EDN2: variants seen among roughly 807,000 people sequenced by gnomAD.
EDN2 encodes endothelin 2, also known as endothelin-2.
In EDN2, 10 loss-of-function variants were observed where a neutral mutation model predicts 19.9. That is an observed-to-expected ratio of 0.50 (90% CI 0.31 to 0.85). The LOEUF is 0.85. EDN2 is among the 40% of genes least tolerant of loss of function. EDN2 has a pLI of 0.05. For synonymous variants in EDN2, 84 were observed against 94.9 expected (o/e 0.89, Z 0.67); for missense variants, 222 against 239.3 (o/e 0.93, Z 0.48).
At chr1:41,483,258 T>C (rs1644263664) in intron 2 of EDN2, among the ~76,000 whole-genome samples, 1 of 152,140 alleles carries the variant, frequency 6.6e-6, no homozygotes. Flanking sequence ...TTTTAGATGG[T>C]GTGGTTGGAG....
intron 3 of EDN2, among the ~76,000 whole-genome samples, chr1:41,481,659 C>T (rs1357235702): frequency 6.6e-6 from 1 of 151,958 alleles, no homozygotes; most frequent in East Asian, 1.9e-4. Context: ...CCTGCCTCAG[C>T]CTTCGGAGTA....
rs549127503 is a variant in EDN2, at chr1:41,479,568, G to A, written c.444-66C>T. On this transcript the variant is annotated intron_variant, in intron 4 of 4. Coordinates refer to ENST00000372587, the MANE Select transcript of EDN2 (RefSeq NM_001956.5). ...TGGACTGTCCAAGAGCTCCCCATGA[G>A]AGCAGGGGCAATGGGGCTACAGCCC... 1.5e-4 allele frequency: 219 copies of A among 1,416,534 alleles called. 1 individual carries two copies. The highest frequency in any genetic ancestry group is 1.9e-4 in the Non-Finnish European group (193 of 1,005,584). 87.7% of individuals were successfully genotyped at this position (1,416,534 alleles called of 1,614,324 possible). A position where few individuals can be genotyped will look rare whatever the true frequency, so the allele number is the denominator to read the frequency against.
Position 41,484,222 on chromosome 1 carries a change from G to A in EDN2, c.65-19C>T. On this transcript the variant is annotated intron_variant, in intron 1 of 4. Transcript: ENST00000372587. ...CCCTTCCCTGCATGCACAGGAGGGAGAGAGAGGTGGAGAGGTGGGTTGGGG... is the reference window on the plus strand; with the variant it reads ...CCCTTCCCTGCATGCACAGGAGGGAAAGAGAGGTGGAGAGGTGGGTTGGGG... The A allele has an allele frequency of 1.2e-6, 2 of 1,607,350 alleles. No individual in the cohort carries two copies. The highest frequency in any genetic ancestry group is 1.7e-6 in the Non-Finnish European group (2 of 1,176,794).
At position 41,484,661 on chromosome 1, in the gene EDN2, C is replaced by T; in HGVS notation, c.-60G>A. 1 of 1,541,340 alleles carries T rather than the reference C, an allele frequency of 6.5e-7. No homozygotes were observed. Among genetic ancestry groups the T allele is most frequent in the East Asian group, 2.4e-5 (1 of 40,864 alleles). ...GGGAGTGCCTGTTGCCAGCGTCCTG[C>T]TATTAAGCTGAGCAGATAGCTCATT... On this transcript the variant is annotated 5_prime_UTR_variant, in exon 1 of 5. Coordinates refer to ENST00000372587, the MANE Select transcript of EDN2 (RefSeq NM_001956.5).
intron 4 of EDN2, 31 bp downstream of exon 4, chr1:41,481,064 C>T (rs372169586): frequency 2.6e-6 from 4 of 1,553,722 alleles, no homozygotes; most frequent in Non-Finnish European, 3.6e-6. Context: ...ACAGGAGGTG[C>T]TCAGTCTGTG....
At chr1:41,480,387 G>T (rs971710085) in intron 4 of EDN2, among the ~76,000 whole-genome samples, 2 of 152,166 alleles carry the variant, frequency 1.3e-5, no homozygotes, top group African/African-American at 2.4e-5. Flanking sequence ...GCTCCCACGG[G>T]CACAGACCCT....
chr1:41,483,122 G>GGGGT (rs1030640118), intron 2 of EDN2: 7 of 109,674 alleles, frequency 6.4e-5, no homozygotes, highest in African/African-American at 1.9e-4. Flanking sequence ...ACTTGAAAGT[G>GGGGT]GGGTGTGTGT....
chr1:41,479,224 A>C lies in EDN2; in HGVS notation c.*185T>G, dbSNP rs1252907974. 1 of 693,178 alleles carries C rather than the reference A, an allele frequency of 1.4e-6. No homozygotes were observed. The highest frequency in any genetic ancestry group is 1.8e-5 in the African/African-American group (1 of 57,136). 42.9% of individuals were successfully genotyped at this position (693,178 alleles called of 1,614,324 possible). ...GAGGGCTTCCCTGGGCAGTGCGAGGACACAGAACTGCCTTGGACGAGGCTC... is the reference window on the plus strand; with the variant it reads ...GAGGGCTTCCCTGGGCAGTGCGAGGCCACAGAACTGCCTTGGACGAGGCTC... On this transcript the variant is annotated 3_prime_UTR_variant, in exon 5 of 5. Coordinates refer to ENST00000372587, the MANE Select transcript of EDN2 (RefSeq NM_001956.5).
chr1:41,484,663 A>G lies in EDN2; in HGVS notation c.-62T>C. 1 of 1,538,284 alleles carries G rather than the reference A, an allele frequency of 6.5e-7. No individual in the cohort carries two copies. Among genetic ancestry groups the G allele is most frequent in the Non-Finnish European group, 8.8e-7 (1 of 1,136,524 alleles). On this transcript the variant is annotated 5_prime_UTR_variant, in exon 1 of 5. Coordinates refer to ENST00000372587, the MANE Select transcript of EDN2 (RefSeq NM_001956.5). ...GAGTGCCTGTTGCCAGCGTCCTGCTATTAAGCTGAGCAGATAGCTCATTGC... is the reference window on the plus strand; with the variant it reads ...GAGTGCCTGTTGCCAGCGTCCTGCTGTTAAGCTGAGCAGATAGCTCATTGC...
intron 3 of EDN2, among the ~76,000 whole-genome samples, chr1:41,481,629 T>G (rs959460937): frequency 6.6e-6 from 1 of 151,356 alleles, no homozygotes; most frequent in Non-Finnish European, 1.5e-5. Context: ...AGCATCTGCC[T>G]CCCAGGTTCA....
chr1:41,482,788 C>T (rs1280757487), intron 2 of EDN2, 200 bp from the exon 3 acceptor site: 10 of 587,666 alleles, frequency 1.7e-5, no homozygotes, highest in Non-Finnish European at 2.6e-5. Flanking sequence ...AGTCACACCA[C>T]TGAAGTCACA....
At chr1:41,483,903 A>G (rs1304955029) in intron 2 of EDN2, 144 bp downstream of exon 2, 1 of 864,346 alleles carries the variant, frequency 1.2e-6, no homozygotes, top group African/African-American at 1.7e-5. Flanking sequence ...AATTGAAACA[A>G]TTAACTATTG....
chr1:41,480,988 C>T, intron 4 of EDN2, 107 bp downstream of exon 4: 1 of 936,356 alleles, frequency 1.1e-6, no homozygotes, highest in Non-Finnish European at 1.7e-6. Flanking sequence ...AGCCTCAGTT[C>T]TCTTTGCTGC....
In EDN2 at chr1:41,482,461, C is replaced by T; in HGVS notation, c.344+5G>A. The T allele has an allele frequency of 6.3e-7, 1 of 1,597,618 alleles. No homozygotes were observed. On this transcript the variant is annotated splice_donor_5th_base_variant and intron_variant, in intron 3 of 4. Transcript: ENST00000372587. ...TATGCCCCTGCAGGCTGGGTGCCCA[C>T]CTACCAGGGCCTTCGAAGGCAGAAG...
At chr1:41,483,407 A>G (rs1164184309) in intron 2 of EDN2, among the ~76,000 whole-genome samples, 1 of 152,212 alleles carries the variant, frequency 6.6e-6, no homozygotes, top group Admixed American at 6.5e-5. Context: ...GAGGGGAAAA[A>G]ATCACAAACA....
At chr1:41,482,720 G>C in intron 2 of EDN2, 132 bp from the exon 3 acceptor site, 1 of 1,255,650 alleles carries the variant, frequency 8.0e-7, no homozygotes, top group Middle Eastern at 2.8e-4. Flanking sequence ...TGCCCACTGG[G>C]ACAGCCACCC....
In EDN2 at chr1:41,479,335, C is replaced by G. The variant is rs777506910; in HGVS notation, c.*74G>C. On this transcript the variant is annotated 3_prime_UTR_variant, in exon 5 of 5. Coordinates refer to ENST00000372587, the MANE Select transcript of EDN2 (RefSeq NM_001956.5). ...CCGGTCCAGGAAGCAGGCAGAGAGT[C>G]CACAAGCCCTGGCCACTTCTCTCCT... 7.7e-7 allele frequency: 1 copy of G among 1,299,346 alleles called. No individual in the cohort carries two copies. Among genetic ancestry groups the G allele is most frequent in the South Asian group, 1.2e-5 (1 of 82,302 alleles). The allele number at this position is 1,299,346 out of a possible 1,614,324, so 80.5% of individuals were successfully genotyped here.
At chr1:41,482,827 T>C (rs1470326074) in intron 2 of EDN2, 6 of 370,298 alleles carry the variant, frequency 1.6e-5, no homozygotes, top group Non-Finnish European at 2.8e-5. Context: ...CTGGTAGCCC[T>C]TGGCAAGACC....
In EDN2 at chr1:41,479,322, G is replaced by T. The variant is rs1226896862; in HGVS notation, c.*87C>A. The stretch of plus-strand genomic sequence containing the variant: ...TGGGACCAAGGCCCCGGTCCAGGAA[G>T]CAGGCAGAGAGTCCACAAGCCCTGG... On this transcript the variant is annotated 3_prime_UTR_variant, in exon 5 of 5. Coordinates refer to ENST00000372587, the MANE Select transcript of EDN2 (RefSeq NM_001956.5). 3.5e-6 allele frequency: 4 copies of T among 1,155,054 alleles called. No homozygotes were observed. The highest frequency in any genetic ancestry group is 3.9e-6 in the Non-Finnish European group (3 of 776,124). 71.6% of individuals were successfully genotyped at this position (1,155,054 alleles called of 1,614,324 possible). A position where few individuals can be genotyped will look rare whatever the true frequency, so the allele number is the denominator to read the frequency against.
Sources: allele counts gnomAD v4.1 joint callset (sites outside exome capture counted in the v4.1 genomes callset), GRCh38; gene constraint gnomAD v4.1.1; transcripts MANE v1.5; gene names NCBI Gene and HGNC (gene_info 2026-07-23, HGNC 2026-07-21).